Variants in OTUD7A observed in about 807,000 individuals in gnomAD.
OTUD7A encodes the protein OTU deubiquitinase 7A, also known as OTU domain-containing protein 7A.
Under a neutral mutation model 65.7 loss-of-function variants are expected in OTUD7A, and 12 were observed. The observed-to-expected ratio is 0.18, with a 90% CI of 0.12 to 0.30. The LOEUF is 0.30. OTUD7A is among the 10% of genes least tolerant of loss of function. The pLI is 1.00. For synonymous variants in OTUD7A, 641 were observed against 586.3 expected, an observed-to-expected ratio of 1.09 and a Z score of -1.35; for missense variants, 1,148 against 1,304.8, an observed-to-expected ratio of 0.88 and a Z score of 1.85.
intron 1 of OTUD7A, among the ~76,000 whole-genome samples, chr15:31,736,009 A>G (rs2141367108): frequency 6.6e-6 from 1 of 152,318 alleles, no homozygotes; most frequent in African/African-American, 2.4e-5. Flanking sequence ...GAGCTAAATG[A>G]TGAGAATACA....
chr15:31,779,780 G>C lies in OTUD7A; in HGVS notation c.-100+90727C>G, dbSNP rs568648587. Reference sequence around the variant, plus strand: ...CCTAGGGGTGGATGAGAGAGAAATGGAGGAGGTGGGTGCAGAGGGTACCAT... The same window carrying C: ...CCTAGGGGTGGATGAGAGAGAAATGCAGGAGGTGGGTGCAGAGGGTACCAT... On this transcript the variant is annotated intron_variant, in intron 1 of 12. Coordinates refer to ENST00000307050, the MANE Select transcript of OTUD7A (RefSeq NM_001382637.1). 1.3e-3 allele frequency among the ~76,000 whole-genome samples: 202 copies of C among 152,252 alleles called. 2 individuals are homozygous for C. Among genetic ancestry groups the C allele is most frequent in the Non-Finnish European group, 1.1e-3 (77 of 68,002 alleles).
chr15:31,783,367 T>C (rs1027244757), intron 1 of OTUD7A, among the ~76,000 whole-genome samples: 4 of 152,210 alleles, frequency 2.6e-5, no homozygotes, highest in African/African-American at 9.7e-5. Flanking sequence ...ATTTTCATGA[T>C]CATTCAATGA....
At chr15:31,824,609 G>A (rs886759079) in intron 1 of OTUD7A, among the ~76,000 whole-genome samples, 1 of 152,184 alleles carries the variant, frequency 6.6e-6, no homozygotes, top group Non-Finnish European at 1.5e-5. Flanking sequence ...CTTCGACATA[G>A]TGATCGTCAA....
At chr15:31,736,358 T>C (rs191273161) in intron 1 of OTUD7A, among the ~76,000 whole-genome samples, 3 of 152,312 alleles carry the variant, frequency 2.0e-5, no homozygotes, top group Admixed American at 2.0e-4. Flanking sequence ...GATGGGTACA[T>C]GGGACTCAGC....
In OTUD7A at chr15:31,503,761, G is replaced by A; in HGVS notation, c.951C>T (p.Val317=). ...YESLEEFHVF[V]LAHILRRPIV... ...TGGGCCTTCTTAATATATGGGCTAG[G>A]ACAAAAACGTGGAACTCTTCCAGGC... The change falls in exon 9 of 13, where the codon GTC becomes GTT. Residue 317 remains valine, a synonymous_variant. Transcript: ENST00000307050. 1 of 1,614,158 alleles carries A rather than the reference G, an allele frequency of 6.2e-7. No individual in the cohort carries two copies. Among genetic ancestry groups the A allele is most frequent in the Non-Finnish European group, 8.5e-7 (1 of 1,180,032 alleles).
Position 31,511,251 on chromosome 15 carries a change from C to T in OTUD7A, c.894-7433G>A, listed in dbSNP as rs189719159. On this transcript the variant is annotated intron_variant, in intron 8 of 12. Transcript: ENST00000307050. ...TGTATATCTATATGTAACACACATA[C>T]ATATGTATATCTATATGTAACACAC... is the stretch of plus-strand genomic sequence containing the variant. Among the ~76,000 whole-genome samples the T allele has an allele frequency of 0.044, 128 of 2,900 alleles. 43 individuals are homozygous for T. In the East Asian group the frequency reaches 0.62, roughly 14 times the overall value. 1.9% of individuals were successfully genotyped at this position (2,900 alleles called of 152,430 possible).
intron 3 of OTUD7A, among the ~76,000 whole-genome samples, chr15:31,580,472 G>A (rs74973883): frequency 4.0e-4 from 61 of 152,288 alleles, no homozygotes; most frequent in South Asian, 1.7e-3. Flanking sequence ...TTGCATTTGC[G>A]CAATACTGGT....
At chr15:31,558,699 T>G in intron 5 of OTUD7A, 1 of 525,684 alleles carries the variant, frequency 1.9e-6, no homozygotes, top group Non-Finnish European at 3.4e-6. Context: ...AAGCATAGAG[T>G]TCTCCTTAAA....
At chr15:31,626,603 T>G (rs1211796008) in intron 3 of OTUD7A, among the ~76,000 whole-genome samples, 1 of 152,106 alleles carries the variant, frequency 6.6e-6, no homozygotes, top group East Asian at 1.9e-4. Flanking sequence ...TGAGGCAGGG[T>G]CTCACTGTGT....
At chr15:31,641,476 A>C (rs1345379592) in intron 3 of OTUD7A, among the ~76,000 whole-genome samples, 1 of 152,198 alleles carries the variant, frequency 6.6e-6, no homozygotes, top group Non-Finnish European at 1.5e-5. Flanking sequence ...TTTCTACATA[A>C]AAAGCTGGCT....
chr15:31,725,303 C>G (rs1357014284), intron 1 of OTUD7A, among the ~76,000 whole-genome samples: 1 of 152,180 alleles, frequency 6.6e-6, no homozygotes, highest in Non-Finnish European at 1.5e-5. Context: ...TGGCCATTGA[C>G]AGTCGCCTGT....
At chr15:31,553,856 C>T (rs1888406001) in intron 5 of OTUD7A, among the ~76,000 whole-genome samples, 1 of 152,096 alleles carries the variant, frequency 6.6e-6, no homozygotes, top group Non-Finnish European at 1.5e-5. Context: ...CTTCTCTTAC[C>T]ACCCCATAGT....
chr15:31,834,785 T>C (rs1478256237), intron 1 of OTUD7A, among the ~76,000 whole-genome samples: 2 of 152,238 alleles, frequency 1.3e-5, no homozygotes, highest in African/African-American at 4.8e-5. Flanking sequence ...AAAGTGGTTA[T>C]CTGCAGTGTA....
chr15:31,524,528 A>T (rs1203657087), intron 8 of OTUD7A, among the ~76,000 whole-genome samples: 1 of 132,448 alleles, frequency 7.6e-6, no homozygotes. Context: ...GGTCTCCCCG[A>T]CCCCACCCCA....
chr15:31,539,009 C>T (rs1170776247), intron 5 of OTUD7A, among the ~76,000 whole-genome samples: 1 of 152,170 alleles, frequency 6.6e-6, no homozygotes, highest in Non-Finnish European at 1.5e-5. Flanking sequence ...GTGCTGTACA[C>T]AATGTTTATT....
intron 1 of OTUD7A, among the ~76,000 whole-genome samples, chr15:31,800,875 C>T (rs1390765473): frequency 2.0e-5 from 3 of 152,062 alleles, no homozygotes; most frequent in Admixed American, 1.3e-4. Flanking sequence ...CAAACAGGTC[C>T]CCCTTTGCTG....
At chr15:31,858,289 C>T (rs929693311) in intron 1 of OTUD7A, among the ~76,000 whole-genome samples, 1 of 152,170 alleles carries the variant, frequency 6.6e-6, no homozygotes, top group Non-Finnish European at 1.5e-5. Flanking sequence ...TAGTCATAGT[C>T]AAGATGTTCT....
chr15:31,766,910 CT>C (rs1895106825), intron 1 of OTUD7A: 1 of 1,610,276 alleles, frequency 6.2e-7, no homozygotes, highest in Non-Finnish European at 8.5e-7. Flanking sequence ...TCTACAATTC[CT>C]TCCAAAGAAT....
chr15:31,577,685 G>A (rs1889245112), intron 3 of OTUD7A, among the ~76,000 whole-genome samples: 2 of 152,032 alleles, frequency 1.3e-5, no homozygotes, highest in African/African-American at 2.4e-5. Context: ...GGGCGACAGA[G>A]CAAGACTCCG....
Sources: allele counts gnomAD v4.1 joint callset (sites outside exome capture counted in the v4.1 genomes callset), GRCh38; gene constraint gnomAD v4.1.1; transcripts MANE v1.5; gene names NCBI Gene and HGNC (gene_info 2026-07-23, HGNC 2026-07-21).